The following TCF12 variants were observed in gnomAD, a reference collection of about 807,000 sequenced individuals.
The protein encoded by TCF12 is DNA-binding protein HTF4.
Under a neutral mutation model 86.0 loss-of-function variants are expected in TCF12, and 45 were observed. That is an observed-to-expected ratio of 0.52 (90% confidence interval 0.41 to 0.67). The LOEUF is 0.67. Among genes scored for constraint, TCF12 ranks in the 30% least tolerant of loss-of-function variants. The probability of loss-of-function intolerance (pLI) is 0.00; values close to 1 mark genes in which losing one functional copy is unlikely to be tolerated. For missense variants in TCF12, 881 were observed against 859.9 expected (o/e 1.02, Z -0.31); for synonymous variants, 330 against 299.6 (o/e 1.10, Z -1.05).
At chr15:57,006,290 C>T (rs1445335355) in intron 3 of TCF12, among the ~76,000 whole-genome samples, 1 of 151,932 alleles carries the variant, frequency 6.6e-6, no homozygotes, top group Non-Finnish European at 1.5e-5. Flanking sequence ...TTTGCCAGTA[C>T]TGGATTTAAG....
chr15:57,256,239 A>G (rs774690944), intron 16 of TCF12, among the ~76,000 whole-genome samples: 14 of 152,206 alleles, frequency 9.2e-5, no homozygotes, highest in Non-Finnish European at 1.6e-4. Context: ...GCCACTGACT[A>G]TCCCCGCAGA....
At chr15:57,202,176 C>G (rs2151766039) in intron 8 of TCF12, among the ~76,000 whole-genome samples, 1 of 152,244 alleles carries the variant, frequency 6.6e-6, no homozygotes, top group South Asian at 2.1e-4. Context: ...AAAAATCACA[C>G]ATAGGGCCAA....
At chr15:57,237,587 A>G (rs1317480832) in intron 12 of TCF12, among the ~76,000 whole-genome samples, 5 of 152,228 alleles carry the variant, frequency 3.3e-5, no homozygotes, top group Non-Finnish European at 7.3e-5. Flanking sequence ...CATGGACTGC[A>G]TGCAGAATGA....
intron 4 of TCF12, 50 bp from the exon 5 acceptor site, chr15:57,091,739 C>A: frequency 1.4e-6 from 2 of 1,379,762 alleles, no homozygotes; most frequent in Non-Finnish European, 2.1e-6. Flanking sequence ...GCTCAATTAG[C>A]GGGACTGCCA....
intron 8 of TCF12, among the ~76,000 whole-genome samples, chr15:57,221,966 C>G (rs1236442070): frequency 6.6e-6 from 1 of 151,906 alleles, no homozygotes; most frequent in Non-Finnish European, 1.5e-5. Flanking sequence ...ATTAACATTT[C>G]TAGACTCTTA....
At chr15:57,043,193 C>T (rs1004743062) in intron 3 of TCF12, among the ~76,000 whole-genome samples, 6 of 152,060 alleles carry the variant, frequency 3.9e-5, no homozygotes, top group Non-Finnish European at 8.8e-5. Flanking sequence ...ATTAATCCAT[C>T]GGTAGACATT....
At chr15:57,009,611 T>C (rs968032530) in intron 3 of TCF12, among the ~76,000 whole-genome samples, 39 of 152,336 alleles carry the variant, frequency 2.6e-4, no homozygotes, top group African/African-American at 8.7e-4. Context: ...TGTGGTGTGT[T>C]AAATTGATGC....
At chr15:57,274,169 C>T (rs1006493726) in intron 19 of TCF12, among the ~76,000 whole-genome samples, 9 of 152,172 alleles carry the variant, frequency 5.9e-5, no homozygotes, top group South Asian at 2.1e-4. Flanking sequence ...TGTGTGAAGA[C>T]GGTTCAAAAA....
chr15:57,174,015 A>G (rs2055728590), intron 6 of TCF12, among the ~76,000 whole-genome samples: 1 of 152,224 alleles, frequency 6.6e-6, no homozygotes, highest in South Asian at 2.1e-4. Context: ...CTGTATATCT[A>G]TTAATGAAAG....
chr15:57,211,238 A>G (rs1167188548), intron 8 of TCF12, among the ~76,000 whole-genome samples: 1 of 152,072 alleles, frequency 6.6e-6, no homozygotes, highest in Non-Finnish European at 1.5e-5. Context: ...GCTTTTCTTT[A>G]TTTTGTTTTA....
intron 5 of TCF12, among the ~76,000 whole-genome samples, chr15:57,157,634 C>T (rs1266960586): frequency 1.3e-5 from 2 of 150,610 alleles, no homozygotes; most frequent in African/African-American, 4.9e-5. Flanking sequence ...TCGATCTAGG[C>T]TCACTGCAAC....
chr15:57,253,268 C>G lies in TCF12; in HGVS notation c.1267C>G (p.Arg423Gly). Reference sequence around the variant, plus strand: ...TTTTTTTTAATCCATACAGCAGTCTCGAATGGAGGATCGTTTAGACAGACT... The same window carrying G: ...TTTTTTTTAATCCATACAGCAGTCTGGAATGGAGGATCGTTTAGACAGACT... Reference protein sequence around the residue: ...SFLKDVCEQSRMEDRLDRLDD... With the variant: ...SFLKDVCEQSGMEDRLDRLDD... Residue 423 changes from arginine to glycine, a missense_variant, in exon 16 of 21, where the codon CGA (arginine) becomes GGA (glycine). By Grantham distance (125) the Arg-to-Gly change is moderately radical. Coordinates refer to ENST00000333725, the MANE Select transcript of TCF12 (RefSeq NM_207037.2). 1 of 1,613,888 alleles carries G rather than the reference C, an allele frequency of 6.2e-7. No homozygotes were observed. The highest frequency in any genetic ancestry group is 1.1e-5 in the South Asian group (1 of 91,068).
Position 56,987,108 on chromosome 15 carries a change from C to CT in TCF12, c.148+66021dup, listed in dbSNP as rs1411366963. 7.2e-4 allele frequency among the ~76,000 whole-genome samples: 105 copies of CT among 145,572 alleles called. 3 individuals are homozygous for CT. The highest frequency in any genetic ancestry group is 2.1e-3 in the African/African-American group (83 of 40,012). On this transcript the variant is annotated intron_variant, in intron 3 of 20. Coordinates refer to ENST00000333725, the MANE Select transcript of TCF12 (RefSeq NM_207037.2). ...AATATTTAGTGAGCTTAATTAGTTG[C>CT]TTTTTTTTTTTCCACCCTGAGACAA...
chr15:57,263,547 C>T (rs1015143750), intron 18 of TCF12, among the ~76,000 whole-genome samples: 3 of 152,118 alleles, frequency 2.0e-5, no homozygotes, highest in Non-Finnish European at 4.4e-5. Context: ...GTTGCTTAGT[C>T]TGTTAGATAA....
chr15:57,157,350 T>C (rs2054183485), intron 5 of TCF12, among the ~76,000 whole-genome samples: 1 of 151,412 alleles, frequency 6.6e-6, no homozygotes, highest in Admixed American at 6.6e-5. Context: ...AAAATGTCTT[T>C]ATTTCTAAAT....
At chr15:57,266,790 A>G (rs2060889277) in intron 18 of TCF12, among the ~76,000 whole-genome samples, 1 of 152,174 alleles carries the variant, frequency 6.6e-6, no homozygotes. Context: ...TAATCCCAGC[A>G]CTTTGGGTGG....
rs546337089 is a variant in TCF12, at chr15:56,948,233, C to T, written c.148+27135C>T. 7.4e-4 allele frequency among the ~76,000 whole-genome samples: 112 copies of T among 152,084 alleles called. 2 individuals carry two copies. Among genetic ancestry groups the T allele is most frequent in the African/African-American group, 2.6e-3 (109 of 41,502 alleles). Reference sequence around the variant, plus strand: ...ACCTCCTGGGCTGAATTGATCCTCCCACCTCAGCCTCCTGAGTAGCTAGCA... The same window carrying T: ...ACCTCCTGGGCTGAATTGATCCTCCTACCTCAGCCTCCTGAGTAGCTAGCA... On this transcript the variant is annotated intron_variant, in intron 3 of 20. Transcript: ENST00000333725.
At chr15:57,091,548 T>G (rs553626392) in intron 4 of TCF12, among the ~76,000 whole-genome samples, 2 of 152,344 alleles carry the variant, frequency 1.3e-5, no homozygotes, top group Non-Finnish European at 1.5e-5. Flanking sequence ...TGCTCATGGT[T>G]AGTGTTTATT....
intron 8 of TCF12, among the ~76,000 whole-genome samples, chr15:57,219,969 A>C (rs978451892): frequency 6.6e-6 from 1 of 151,456 alleles, no homozygotes; most frequent in Non-Finnish European, 1.5e-5. Flanking sequence ...CAGGTGATCC[A>C]CCCGCCTCGG....
Sources: allele counts gnomAD v4.1 joint callset (sites outside exome capture counted in the v4.1 genomes callset), GRCh38; gene constraint gnomAD v4.1.1; transcripts MANE v1.5; gene names NCBI Gene and HGNC (gene_info 2026-07-23, HGNC 2026-07-21).